The following LRBA variants were observed in gnomAD, a reference collection of about 807,000 sequenced individuals.
LRBA encodes lipopolysaccharide-responsive and beige-like anchor protein.
Under a neutral mutation model 330.0 loss-of-function variants are expected in LRBA, and 176 were observed. The observed-to-expected ratio is 0.53, with a 90% CI of 0.47 to 0.60. The LOEUF (loss-of-function observed/expected upper bound fraction) is 0.60, where lower values mean the gene tolerates loss of function less well. LRBA is among the 20% of genes least tolerant of loss of function. The pLI is 0.00. For synonymous variants in LRBA, 1,230 were observed against 1,193.0 expected, an observed-to-expected ratio of 1.03 and a Z score of -0.64; for missense variants, 3,259 against 3,444.8, an observed-to-expected ratio of 0.95 and a Z score of 1.35.
intron 2 of LRBA, among the ~76,000 whole-genome samples, chr4:150,994,699 G>A (rs1742453809): frequency 6.6e-6 from 1 of 152,176 alleles, no homozygotes. Flanking sequence ...AAGACCATAA[G>A]AGAATGAAGA....
intron 44 of LRBA, among the ~76,000 whole-genome samples, chr4:150,465,776 G>A (rs1209955068): frequency 6.6e-6 from 1 of 151,888 alleles, no homozygotes; most frequent in Non-Finnish European, 1.5e-5. Flanking sequence ...GCTTTCCTCT[G>A]AAAATTAAAA....
At chr4:150,301,435 CT>C (rs1187665280) in intron 53 of LRBA, among the ~76,000 whole-genome samples, 2 of 151,944 alleles carry the variant, frequency 1.3e-5, no homozygotes, top group Non-Finnish European at 2.9e-5. Flanking sequence ...GAAATTATCC[CT>C]TTTTTGATTA....
intron 2 of LRBA, among the ~76,000 whole-genome samples, chr4:150,993,994 G>A (rs1742375825): frequency 6.6e-6 from 1 of 150,928 alleles, no homozygotes; most frequent in African/African-American, 2.5e-5. Context: ...GAACCTGGGA[G>A]GCAGAGGTTG....
At chr4:150,355,507 C>G (rs1737719341) in intron 47 of LRBA, among the ~76,000 whole-genome samples, 1 of 151,826 alleles carries the variant, frequency 6.6e-6, no homozygotes, top group African/African-American at 2.4e-5. Flanking sequence ...ATAAAAAGAT[C>G]AAATATTCTT....
At position 150,690,948 on chromosome 4, in the gene LRBA, T is replaced by C. The variant is rs200324332; in HGVS notation, c.5755-7231A>G. Among the ~76,000 whole-genome samples the C allele has an allele frequency of 5.9e-3, 595 of 100,382 alleles. 4 individuals are homozygous for C. Among genetic ancestry groups the C allele is most frequent in the African/African-American group, 0.021 (577 of 27,780 alleles). 65.9% of individuals were successfully genotyped at this position (100,382 alleles called of 152,430 possible). ...TGGTCTTTTTTTTTTTTTTTTTTTT[T>C]AGACAGAGTCTCGCTCTGTCGCCCA... On this transcript the variant is annotated intron_variant, in intron 36 of 56. Transcript: ENST00000651943.
At chr4:150,849,019 C>T (rs756144908) in intron 25 of LRBA, 21 bp from the exon 26 acceptor site, 11 of 1,514,508 alleles carry the variant, frequency 7.3e-6, no homozygotes, top group Middle Eastern at 2.1e-4. Flanking sequence ...TAAAGTTTGA[C>T]ATTTATATAT....
intron 36 of LRBA, among the ~76,000 whole-genome samples, chr4:150,700,180 T>G (rs1410554550): frequency 1.3e-5 from 2 of 152,186 alleles, no homozygotes; most frequent in Non-Finnish European, 2.9e-5. Flanking sequence ...GATATTATTT[T>G]TATCAAAGGT....
At chr4:150,953,931 G>A (rs1354253451) in intron 2 of LRBA, among the ~76,000 whole-genome samples, 17 of 146,130 alleles carry the variant, frequency 1.2e-4, no homozygotes, top group African/African-American at 3.8e-4. Flanking sequence ...ATCTCTGCCC[G>A]GCCACCCATC....
intron 50 of LRBA, among the ~76,000 whole-genome samples, chr4:150,317,467 G>A (rs1731865646): frequency 6.6e-6 from 1 of 152,048 alleles, no homozygotes; most frequent in Admixed American, 6.6e-5. Context: ...AACTAAAGTA[G>A]CTGAAGAAAA....
intron 47 of LRBA, among the ~76,000 whole-genome samples, chr4:150,408,560 A>T (rs981837402): frequency 1.3e-5 from 2 of 152,156 alleles, no homozygotes; most frequent in Non-Finnish European, 2.9e-5. Context: ...TATTACCCTG[A>T]TAATAAAGTC....
intron 40 of LRBA, among the ~76,000 whole-genome samples, chr4:150,547,353 T>C (rs1425922920): frequency 6.6e-6 from 1 of 152,120 alleles, no homozygotes; most frequent in East Asian, 1.9e-4. Flanking sequence ...AGTAAAGGAT[T>C]AGACATATTT....
intron 36 of LRBA, among the ~76,000 whole-genome samples, chr4:150,706,391 C>T (rs1056855188): frequency 6.6e-6 from 1 of 151,610 alleles, no homozygotes; most frequent in Non-Finnish European, 1.5e-5. Flanking sequence ...ATAGGGAAAA[C>T]TAGGTAGGCA....
intron 36 of LRBA, among the ~76,000 whole-genome samples, chr4:150,730,717 G>A (rs1301917282): frequency 6.7e-6 from 1 of 148,466 alleles, no homozygotes; most frequent in African/African-American, 2.5e-5. Context: ...AAAGAGAAAA[G>A]AAAGAAAAAG....
chr4:150,653,276 A>C (rs1357248196), intron 37 of LRBA, among the ~76,000 whole-genome samples: 1 of 152,216 alleles, frequency 6.6e-6, no homozygotes, highest in Non-Finnish European at 1.5e-5. Context: ...TAGGTTTTTG[A>C]CATTAAAACC....
At chr4:150,480,769 T>A (rs1054919067) in intron 42 of LRBA, among the ~76,000 whole-genome samples, 19 of 152,168 alleles carry the variant, frequency 1.2e-4, no homozygotes, top group African/African-American at 4.6e-4. Flanking sequence ...GTGATATACA[T>A]AAGACATAGT....
intron 37 of LRBA, among the ~76,000 whole-genome samples, chr4:150,642,749 CAAAT>C (rs900843952): frequency 6.6e-6 from 1 of 151,688 alleles, no homozygotes; most frequent in Non-Finnish European, 1.5e-5. Context: ...CAAATCAACT[CAAAT>C]AAAACTTCAC....
At chr4:150,436,486 G>A (rs1161458756) in intron 45 of LRBA, among the ~76,000 whole-genome samples, 2 of 151,960 alleles carry the variant, frequency 1.3e-5, no homozygotes, top group Non-Finnish European at 2.9e-5. Flanking sequence ...TTTGGAATCT[G>A]GTAAGACAGC....
chr4:150,994,170 C>G (rs1356191426), intron 2 of LRBA, among the ~76,000 whole-genome samples: 1 of 151,942 alleles, frequency 6.6e-6, no homozygotes, highest in Non-Finnish European at 1.5e-5. Context: ...ATTACACCAA[C>G]CTGCTGAATA....
chr4:150,828,483 G>A lies in LRBA; in HGVS notation c.4868C>T (p.Pro1623Leu). The A allele has an allele frequency of 6.2e-7, 1 of 1,614,098 alleles. No individual in the cohort carries two copies. Among genetic ancestry groups the A allele is most frequent in the Non-Finnish European group, 8.5e-7 (1 of 1,179,994 alleles). ...TGLGSHVEVT[P>L]HTAPPGVSAG... ...ACTGACACCAGGAGGTGCTGTGTGA[G>A]GAGTTACTTCCACATGGCTTCCTAA... The change falls in exon 30 of 57, where the codon CCT becomes CTT. Residue 1623 changes from proline to leucine, a missense_variant. By Grantham distance (98) the Pro-to-Leu change is moderately conservative (BLOSUM62 -3). Coordinates refer to ENST00000651943, the MANE Select transcript of LRBA (RefSeq NM_001364905.1).
Sources: allele counts gnomAD v4.1 joint callset (sites outside exome capture counted in the v4.1 genomes callset), GRCh38; gene constraint gnomAD v4.1.1; transcripts MANE v1.5; gene names NCBI Gene and HGNC (gene_info 2026-07-23, HGNC 2026-07-21).